SPOCK3: variants seen among roughly 807,000 people sequenced by gnomAD.
SPOCK3 encodes testican-3.
Under a neutral mutation model 56.6 loss-of-function variants are expected in SPOCK3, and 30 were observed. That is an observed-to-expected ratio of 0.53 (90% CI 0.40 to 0.72). The LOEUF (loss-of-function observed/expected upper bound fraction) is 0.72, where lower values mean the gene tolerates loss of function less well. SPOCK3 is among the 30% of genes least tolerant of loss of function. The probability of loss-of-function intolerance (pLI) is 0.00; values close to 1 mark genes in which losing one functional copy is unlikely to be tolerated. For synonymous variants in SPOCK3, 196 were observed against 183.3 expected (o/e 1.07, Z -0.56); for missense variants, 527 against 530.0 (o/e 0.99, Z 0.06).
intron 6 of SPOCK3, among the ~76,000 whole-genome samples, chr4:166,825,923 G>C (rs1745420162): frequency 6.6e-6 from 1 of 152,050 alleles, no homozygotes; most frequent in African/African-American, 2.4e-5. Flanking sequence ...AGGAATAAAA[G>C]ACTGCATATT....
chr4:166,783,121 G>A (rs919912070), intron 7 of SPOCK3, among the ~76,000 whole-genome samples: 1 of 152,208 alleles, frequency 6.6e-6, no homozygotes, highest in Non-Finnish European at 1.5e-5. Context: ...AACTTTGGGA[G>A]GCCGAGGTGA....
At chr4:166,740,436 GCTTT>G (rs1385834798) in intron 9 of SPOCK3, among the ~76,000 whole-genome samples, 1 of 150,680 alleles carries the variant, frequency 6.6e-6, no homozygotes, top group Non-Finnish European at 1.5e-5. Flanking sequence ...AATTTCAATG[GCTTT>G]CTTTATGGTA....
chr4:166,986,226 A>G (rs1561087273), intron 4 of SPOCK3, among the ~76,000 whole-genome samples: 1 of 152,212 alleles, frequency 6.6e-6, no homozygotes, highest in Non-Finnish European at 1.5e-5. Context: ...TCATAATTAA[A>G]AACTCCTTTT....
intron 5 of SPOCK3, among the ~76,000 whole-genome samples, chr4:166,905,008 C>A (rs1435807139): frequency 6.6e-6 from 1 of 151,998 alleles, no homozygotes; most frequent in African/African-American, 2.4e-5. Flanking sequence ...CTGATTCCAG[C>A]ATTGTAATTC....
At chr4:166,979,266 G>A (rs1207738442) in intron 4 of SPOCK3, among the ~76,000 whole-genome samples, 2 of 151,922 alleles carry the variant, frequency 1.3e-5, no homozygotes, top group Admixed American at 1.3e-4. Flanking sequence ...TCTTCTCATT[G>A]TCTCAAAGAC....
intron 2 of SPOCK3, among the ~76,000 whole-genome samples, chr4:167,221,944 T>C (rs143383245): frequency 2.0e-5 from 3 of 152,156 alleles, no homozygotes; most frequent in Admixed American, 6.6e-5. Flanking sequence ...GACCCAGCAA[T>C]TCCACTTCTG....
chr4:166,754,500 T>C lies in SPOCK3; in HGVS notation c.931+8A>G. The C allele has an allele frequency of 6.2e-7, 1 of 1,611,390 alleles. No homozygotes were observed. The highest frequency in any genetic ancestry group is 8.5e-7 in the Non-Finnish European group (1 of 1,178,426). On this transcript the variant is annotated splice_region_variant and intron_variant, in intron 8 of 10. Coordinates refer to ENST00000357545, the MANE Select transcript of SPOCK3 (RefSeq NM_001040159.2). ...ACTATTTGCGTCTGTAAGGGTCTCA[T>C]CTTTTACCTTGCTGTCTCTGGAAGC... is the stretch of plus-strand genomic sequence containing the variant.
At chr4:167,071,751 C>T (rs1756707885) in intron 2 of SPOCK3, among the ~76,000 whole-genome samples, 1 of 152,010 alleles carries the variant, frequency 6.6e-6, no homozygotes, top group African/African-American at 2.4e-5. Flanking sequence ...AATGGGATCG[C>T]TGGGTCAAAT....
chr4:167,232,192 T>C lies in SPOCK3; in HGVS notation c.189+1793A>G, dbSNP rs563398842. ...TTCACAAACTGTCCAAGTCCCTCAATAATTTAATAAAGTAATTTGAATAAA... is the reference window on the plus strand; with the variant it reads ...TTCACAAACTGTCCAAGTCCCTCAACAATTTAATAAAGTAATTTGAATAAA... On this transcript the variant is annotated intron_variant, in intron 2 of 10. Coordinates refer to ENST00000357545, the MANE Select transcript of SPOCK3 (RefSeq NM_001040159.2). Among the ~76,000 whole-genome samples, 3 of 152,224 alleles carry C rather than the reference T, an allele frequency of 2.0e-5. No homozygotes were observed. In the East Asian group the frequency reaches 5.8e-4, roughly 29 times the overall value.
At chr4:166,925,654 C>A (rs1290588127) in intron 4 of SPOCK3, among the ~76,000 whole-genome samples, 1 of 151,216 alleles carries the variant, frequency 6.6e-6, no homozygotes, top group Non-Finnish European at 1.5e-5. Context: ...AGTGAGACAT[C>A]AATTCAACCA....
intron 2 of SPOCK3, among the ~76,000 whole-genome samples, chr4:167,179,706 T>C (rs1484425156): frequency 1.3e-5 from 2 of 152,162 alleles, no homozygotes; most frequent in Non-Finnish European, 2.9e-5. Context: ...CATGTCAGAA[T>C]GATACCGCAT....
At chr4:167,123,992 G>A (rs1762082459) in intron 2 of SPOCK3, among the ~76,000 whole-genome samples, 2 of 151,948 alleles carry the variant, frequency 1.3e-5, no homozygotes, top group African/African-American at 2.4e-5. Context: ...TGATCTGCCT[G>A]CCTCGGCCTC....
At chr4:166,834,407 G>A (rs1671892994) in intron 6 of SPOCK3, among the ~76,000 whole-genome samples, 1 of 152,138 alleles carries the variant, frequency 6.6e-6, no homozygotes, top group African/African-American at 2.4e-5. Context: ...TTGAAATTCA[G>A]TTTATTTGAT....
At chr4:167,023,843 C>T (rs186565526) in intron 3 of SPOCK3, among the ~76,000 whole-genome samples, 100 of 152,154 alleles carry the variant, frequency 6.6e-4, no homozygotes, top group African/African-American at 2.2e-3. Flanking sequence ...TGAATATCCC[C>T]CTAATGCAAA....
At position 166,836,656 on chromosome 4, in the gene SPOCK3, G is replaced by C. The variant is rs558515664; in HGVS notation, c.590-44367C>G. ...GGTTTTTGTTTTTGCCTCATCTAGTGCCCTATGGATTTCTGTTGAACCTGG... is the reference window on the plus strand; with the variant it reads ...GGTTTTTGTTTTTGCCTCATCTAGTCCCCTATGGATTTCTGTTGAACCTGG... On this transcript the variant is annotated intron_variant, in intron 6 of 10. Transcript: ENST00000357545. 7.7e-4 allele frequency among the ~76,000 whole-genome samples: 117 copies of C among 152,106 alleles called. 1 individual carries two copies. In the South Asian group the frequency reaches 0.016, roughly 21 times the overall value.
intron 7 of SPOCK3, 120 bp downstream of exon 7, chr4:166,792,050 T>C (rs1741414090): frequency 1.7e-6 from 2 of 1,158,746 alleles, no homozygotes; most frequent in Non-Finnish European, 2.4e-6. Context: ...AACGTTCTGA[T>C]TTTTATTCAG....
intron 2 of SPOCK3, among the ~76,000 whole-genome samples, chr4:167,208,782 T>A (rs1734592419): frequency 6.6e-6 from 1 of 152,142 alleles, no homozygotes; most frequent in Non-Finnish European, 1.5e-5. Context: ...TGAAAAGGAA[T>A]AGTGATTATT....
intron 4 of SPOCK3, among the ~76,000 whole-genome samples, chr4:166,936,076 C>G (rs1740367727): frequency 6.6e-6 from 1 of 152,056 alleles, no homozygotes; most frequent in Admixed American, 6.6e-5. Context: ...ATATCTGCAT[C>G]TAATGAGAAG....
chr4:166,774,799 C>G (rs1430953883), intron 7 of SPOCK3, among the ~76,000 whole-genome samples: 1 of 152,150 alleles, frequency 6.6e-6, no homozygotes, highest in Non-Finnish European at 1.5e-5. Context: ...CCTCATCCCT[C>G]CTTATAGGAA....
Sources: allele counts gnomAD v4.1 joint callset (sites outside exome capture counted in the v4.1 genomes callset), GRCh38; gene constraint gnomAD v4.1.1; transcripts MANE v1.5; gene names NCBI Gene and HGNC (gene_info 2026-07-23, HGNC 2026-07-21).